Variants in HSD17B2 observed in about 807,000 individuals in gnomAD.
HSD17B2 encodes 17-beta-hydroxysteroid dehydrogenase type 2.
A neutral mutation model predicts 26.9 loss-of-function variants in HSD17B2; 32 were observed. The ratio of observed to expected loss-of-function variants is 1.19; its 90% CI spans 0.90 to 1.60. The LOEUF (loss-of-function observed/expected upper bound fraction) is 1.60, where lower values mean the gene tolerates loss of function less well. Among genes scored for constraint, HSD17B2 ranks in the 40% most tolerant of loss-of-function variants. The pLI is 0.00. For missense variants in HSD17B2, 613 were observed against 468.6 expected (o/e 1.31, Z -2.85); for synonymous variants, 246 against 186.7 (o/e 1.32, Z -2.59).
chr16:82,089,796 G>A (rs1904630733), intron 3 of HSD17B2, among the ~76,000 whole-genome samples: 1 of 151,922 alleles, frequency 6.6e-6, no homozygotes, highest in Non-Finnish European at 1.5e-5. Context: ...CTCTTTTTCT[G>A]TCTCTGATAA....
In HSD17B2 at chr16:82,068,171, T is replaced by C. The variant is rs750365953; in HGVS notation, c.267T>C (p.Gly89=). The C allele has an allele frequency of 3.1e-6, 5 of 1,613,926 alleles. No individual in the cohort carries two copies. In the African/African-American group the frequency reaches 4.0e-5, roughly 13 times the overall value. Residue 89 remains glycine (G), a splice_region_variant and synonymous_variant, in exon 2 of 5, where the codon GGT becomes GGC. Coordinates refer to ENST00000199936, the MANE Select transcript of HSD17B2 (RefSeq NM_002153.3). ...CCCTACTCCCCTGACCCTATGCAGG[T>C]GGTGATTGCGGGCTTGGCCATGCTT... ...PVDQKAVLVT[G]GDCGLGHALC...
At position 82,064,773 on chromosome 16, in the gene HSD17B2, T is replaced by A. The variant is rs967048452; in HGVS notation, c.266-3397T>A. Among the ~76,000 whole-genome samples, 3 of 152,314 alleles carry A rather than the reference T, an allele frequency of 2.0e-5. No individual in the cohort carries two copies. In the South Asian group the frequency reaches 6.2e-4, roughly 32 times the overall value. ...CTATCATGAGCCAAGAAGATGCTCG[T>A]CTATGTCTGTGGACAACATCTGACC... On this transcript the variant is annotated intron_variant, in intron 1 of 4. Coordinates refer to ENST00000199936, the MANE Select transcript of HSD17B2 (RefSeq NM_002153.3).
intron 4 of HSD17B2, chr16:82,096,934 AT>A (rs1567595285): frequency 6.6e-6 from 1 of 151,924 alleles, no homozygotes; most frequent in Non-Finnish European, 1.5e-5. Flanking sequence ...AATCTGTCCT[AT>A]TAATCAGGAA....
intron 4 of HSD17B2, chr16:82,097,662 G>C (rs1421498406): frequency 5.2e-5 from 8 of 154,266 alleles, no homozygotes; most frequent in South Asian, 2.0e-4. Flanking sequence ...TTGCAGGCCA[G>C]GCGTGGTGGC....
Position 82,035,567 on chromosome 16 carries a change from G to A in HSD17B2, c.143G>A (p.Cys48Tyr). The change falls in exon 1 of 5, where the codon TGC (cysteine) becomes TAC (tyrosine). Residue 48 changes from cysteine (C) to tyrosine (Y), a missense_variant. Physicochemically the swap from Cys to Tyr is radical, Grantham distance 194 (BLOSUM62 -2). Transcript: ENST00000199936. The part of the protein sequence containing the change: ...MVCLAGLCAV[C>Y]LLILSPFWGL... The stretch of plus-strand genomic sequence containing the variant: ...TGCCTGGCAGGCCTCTGTGCAGTCT[G>A]CCTGCTCATCCTGTCCCCTTTTTGG... 3.7e-6 allele frequency: 6 copies of A among 1,614,104 alleles called. No homozygotes were observed. Among genetic ancestry groups the A allele is most frequent in the South Asian group, 1.1e-5 (1 of 91,078 alleles).
intron 1 of HSD17B2, among the ~76,000 whole-genome samples, chr16:82,063,486 T>A (rs1297963089): frequency 6.6e-6 from 1 of 152,044 alleles, no homozygotes; most frequent in East Asian, 1.9e-4. Context: ...CCACACTGCC[T>A]CATGGGTAAA....
chr16:82,083,954 G>C (rs538016129), intron 3 of HSD17B2, among the ~76,000 whole-genome samples: 2 of 152,148 alleles, frequency 1.3e-5, no homozygotes, highest in Non-Finnish European at 2.9e-5. Flanking sequence ...AGAGCAGTTG[G>C]AAAATCTTTC....
At chr16:82,094,500 A>G (rs2142369310) in intron 4 of HSD17B2, 1 of 152,256 alleles carries the variant, frequency 6.6e-6, no homozygotes, top group Admixed American at 6.5e-5. Flanking sequence ...GTGATGGTGG[A>G]AAATTTGAGA....
At chr16:82,064,264 TC>T (rs753936126) in intron 1 of HSD17B2, among the ~76,000 whole-genome samples, 6 of 152,198 alleles carry the variant, frequency 3.9e-5, no homozygotes, top group Non-Finnish European at 7.3e-5. Flanking sequence ...CTTGCTCGCA[TC>T]CCTTTACCTG....
At chr16:82,040,248 G>T (rs1913732638) in intron 1 of HSD17B2, among the ~76,000 whole-genome samples, 1 of 152,182 alleles carries the variant, frequency 6.6e-6, no homozygotes, top group South Asian at 2.1e-4. Context: ...AGGTTCTCAA[G>T]TTGAATACCA....
chr16:82,038,551 T>G (rs964672497), intron 1 of HSD17B2, among the ~76,000 whole-genome samples: 7 of 152,180 alleles, frequency 4.6e-5, no homozygotes, highest in African/African-American at 1.7e-4. Flanking sequence ...GGTTGTATGA[T>G]GCATTTTAAA....
rs1252676847 is a variant in HSD17B2, at chr16:82,098,275, T to C, written c.1003T>C (p.Phe335Leu). The C allele has an allele frequency of 6.2e-7, 1 of 1,614,198 alleles. No individual in the cohort carries two copies. Among genetic ancestry groups the C allele is most frequent in the South Asian group, 1.1e-5 (1 of 91,082 alleles). ...IQHAILAKSP[F>L]AYYTPGKGAY... ...GCATGCTATCTTGGCGAAGAGCCCT[T>C]TTGCCTATTACACGCCAGGGAAAGG... The change falls in exon 5 of 5, where the codon TTT becomes CTT. Residue 335 changes from phenylalanine (F) to leucine (L), a missense_variant. Transcript: ENST00000199936.
At chr16:82,084,063 A>C (rs1904452725) in intron 3 of HSD17B2, among the ~76,000 whole-genome samples, 1 of 152,158 alleles carries the variant, frequency 6.6e-6, no homozygotes. Flanking sequence ...CCCTGCTAAA[A>C]TGACCCAGGC....
At chr16:82,061,371 C>A (rs959478989) in intron 1 of HSD17B2, among the ~76,000 whole-genome samples, 3 of 152,174 alleles carry the variant, frequency 2.0e-5, no homozygotes, top group Non-Finnish European at 4.4e-5. Context: ...TCGAACAACT[C>A]TATGACCCAG....
intron 3 of HSD17B2, 85 bp from the exon 4 acceptor site, chr16:82,090,817 A>T (rs1014422592): frequency 1.5e-6 from 2 of 1,296,100 alleles, no homozygotes; most frequent in African/African-American, 1.5e-5. Flanking sequence ...CAGTTCCTAC[A>T]TACAGTAGAC....
At chr16:82,044,982 G>A (rs1913877075) in intron 1 of HSD17B2, among the ~76,000 whole-genome samples, 1 of 152,012 alleles carries the variant, frequency 6.6e-6, no homozygotes, top group Non-Finnish European at 1.5e-5. Context: ...TTAGGGCATG[G>A]TGGTGTGCAC....
At chr16:82,094,970 A>C (rs1452501604) in intron 4 of HSD17B2, 1 of 152,226 alleles carries the variant, frequency 6.6e-6, no homozygotes, top group Non-Finnish European at 1.5e-5. Context: ...TCATATCAAT[A>C]ACTTCATTGT....
chr16:82,083,426 A>G (rs768632273), intron 3 of HSD17B2, among the ~76,000 whole-genome samples: 3 of 152,168 alleles, frequency 2.0e-5, no homozygotes, highest in Non-Finnish European at 2.9e-5. Flanking sequence ...ACCAATGACA[A>G]CTGCGTGACC....
intron 2 of HSD17B2, among the ~76,000 whole-genome samples, chr16:82,069,857 C>G (rs1914657309): frequency 6.6e-6 from 1 of 152,126 alleles, no homozygotes; most frequent in African/African-American, 2.4e-5. Context: ...AAACCACGTG[C>G]AGGACCCTTC....
Sources: allele counts gnomAD v4.1 joint callset (sites outside exome capture counted in the v4.1 genomes callset), GRCh38; gene constraint gnomAD v4.1.1; transcripts MANE v1.5; gene names NCBI Gene and HGNC (gene_info 2026-07-23, HGNC 2026-07-21).